Variants in SNX14 observed in about 807,000 individuals in gnomAD.
SNX14 encodes sorting nexin 14, also known as sorting nexin-14.
A neutral mutation model predicts 133.8 loss-of-function variants in SNX14; 93 were observed. That is an observed-to-expected ratio of 0.70 (90% CI 0.59 to 0.83). The LOEUF is 0.83. Ranked by LOEUF, SNX14 falls within the 40% of genes least tolerant of loss-of-function variation. SNX14 has a pLI of 0.00. For synonymous variants in SNX14, 368 were observed against 365.6 expected (o/e 1.01, Z -0.07); for missense variants, 945 against 1,094.9 (o/e 0.86, Z 1.93).
At chr6:85,512,398 G>T (rs1773224441) in intron 26 of SNX14, among the ~76,000 whole-genome samples, 2 of 152,106 alleles carry the variant, frequency 1.3e-5, no homozygotes, top group Non-Finnish European at 2.9e-5. Context: ...GAGGCGGGTG[G>T]ATCACCTGAG....
At chr6:85,587,284 T>A (rs1326395071) in intron 1 of SNX14, among the ~76,000 whole-genome samples, 1 of 152,148 alleles carries the variant, frequency 6.6e-6, no homozygotes, top group Admixed American at 6.5e-5. Context: ...TACACTCTCT[T>A]ATGTATGCTT....
Position 85,507,259 on chromosome 6 carries a change from G to C in SNX14, c.2776C>G (p.Gln926Glu), listed in dbSNP as rs774642875. 1 of 1,610,884 alleles carries C rather than the reference G, an allele frequency of 6.2e-7. No homozygotes were observed. Among genetic ancestry groups the C allele is most frequent in the Non-Finnish European group, 8.5e-7 (1 of 1,178,984 alleles). ...TTATTGAGCTCTGGAAACAGTTCCT[G>C]TATCACAATGTCCAATAAAACATAA... is the stretch of plus-strand genomic sequence containing the variant. ...LTYVLLDIVI[Q>E]ELFPELNKVQ... Residue 926 changes from glutamine to glutamate, a missense_variant, in exon 28 of 29, where the codon CAG becomes GAG. By Grantham distance (29) the Gln-to-Glu change is conservative (BLOSUM62 2). Transcript: ENST00000314673.
chr6:85,524,511 C>T (rs778948740), intron 21 of SNX14, among the ~76,000 whole-genome samples: 8 of 152,032 alleles, frequency 5.3e-5, no homozygotes, highest in Non-Finnish European at 1.0e-4. Context: ...AGGCATGGTG[C>T]TCACTCACGC....
chr6:85,554,890 G>GCT (rs1191730798), intron 7 of SNX14, among the ~76,000 whole-genome samples: 2 of 151,936 alleles, frequency 1.3e-5, no homozygotes, highest in Non-Finnish European at 2.9e-5. Flanking sequence ...GGTGATCATA[G>GCT]CTCACTGCAG....
chr6:85,543,631 G>A lies in SNX14; in HGVS notation c.1238C>T (p.Pro413Leu). The A allele has an allele frequency of 6.3e-7, 1 of 1,582,682 alleles. No homozygotes were observed. Among genetic ancestry groups the A allele is most frequent in the African/African-American group, 1.3e-5 (1 of 74,100 alleles). ...DESIDKIRFD[P>L]FIVEEIQRIA... ...TCTTTGAATCTCTTCTACAATGAAG[G>A]GATCAAATCTAATTTTGTCAATACT... The change falls in exon 13 of 29, where the codon CCC becomes CTC. Residue 413 changes from proline (P) to leucine (L), a missense_variant. This residue lies in a region of SNX14 where 514 missense variants were observed against 538.8 expected (regional missense o/e 0.95). Coordinates refer to ENST00000314673, the MANE Select transcript of SNX14 (RefSeq NM_153816.6).
chr6:85,546,965 CAAAAAAA>C (rs375373506), intron 12 of SNX14, 140 bp downstream of exon 12: 33 of 392,768 alleles, frequency 8.4e-5, no homozygotes, highest in Admixed American at 2.8e-4. Flanking sequence ...CCGCCTCAAA[CAAAAAAA>C]AAAAAAAAAA....
intron 21 of SNX14, among the ~76,000 whole-genome samples, chr6:85,521,323 T>G (rs1202166820): frequency 2.0e-5 from 3 of 152,134 alleles, no homozygotes; most frequent in Non-Finnish European, 1.5e-5. Flanking sequence ...AACCTCGAAC[T>G]TTCTGGGCTC....
At chr6:85,560,397 G>T (rs1035065796) in intron 6 of SNX14, among the ~76,000 whole-genome samples, 3 of 152,134 alleles carry the variant, frequency 2.0e-5, no homozygotes, top group Admixed American at 2.0e-4. Context: ...GCCACATATT[G>T]TATGATTCCA....
intron 15 of SNX14, among the ~76,000 whole-genome samples, chr6:85,539,461 T>G (rs1307651977): frequency 6.6e-6 from 1 of 152,170 alleles, no homozygotes; most frequent in Non-Finnish European, 1.5e-5. Flanking sequence ...AAACAAAAGT[T>G]GTACTTTAAG....
intron 20 of SNX14, among the ~76,000 whole-genome samples, chr6:85,527,501 T>C (rs1407032452): frequency 6.6e-6 from 1 of 152,056 alleles, no homozygotes; most frequent in Non-Finnish European, 1.5e-5. Context: ...TAAAAGTCTT[T>C]CTTTTTGGCT....
chr6:85,579,540 A>G (rs944449235), intron 1 of SNX14, among the ~76,000 whole-genome samples: 2 of 152,206 alleles, frequency 1.3e-5, no homozygotes, highest in East Asian at 1.9e-4. Context: ...GAAATTGCCA[A>G]TACCCTTTCT....
chr6:85,566,466 G>A (rs1375405762), intron 5 of SNX14, among the ~76,000 whole-genome samples: 1 of 151,956 alleles, frequency 6.6e-6, no homozygotes, highest in African/African-American at 2.4e-5. Flanking sequence ...GGGAGGCCGA[G>A]GTGGGTGGAT....
chr6:85,517,776 T>C lies in SNX14; in HGVS notation c.2248A>G (p.Thr750Ala). The change falls in exon 23 of 29, where the codon ACT (threonine) becomes GCT (alanine). Residue 750 changes from threonine to alanine, a missense_variant. Transcript: ENST00000314673. The stretch of plus-strand genomic sequence containing the variant: ...AGTACCTTCTTGTTGTTTTCTGAAG[T>C]AGGGCTGAGAATGGTCAGTTCTGGT... ...SRPELTILSPTSENNKKLFND... is the reference protein window; with the variant it reads ...SRPELTILSPASENNKKLFND... The C allele has an allele frequency of 1.2e-6, 2 of 1,601,022 alleles. No individual in the cohort carries two copies. The highest frequency in any genetic ancestry group is 4.5e-5 in the East Asian group (2 of 44,662).
In SNX14 at chr6:85,531,024, A is replaced by C. The variant is rs971700714; in HGVS notation, c.1811-749T>G. On this transcript the variant is annotated intron_variant, in intron 18 of 28. Transcript: ENST00000314673. ...CTGCAGTTACGAAGATGCTCCATGG[A>C]TCTGCATTAATATAGTAGCTACTAG... 2.0e-5 allele frequency among the ~76,000 whole-genome samples: 3 copies of C among 152,214 alleles called. No individual in the cohort carries two copies. The East Asian group carries it at 5.8e-4, about 29-fold the overall frequency.
intron 1 of SNX14, among the ~76,000 whole-genome samples, chr6:85,580,742 T>C (rs1798794014): frequency 6.6e-6 from 1 of 152,124 alleles, no homozygotes; most frequent in Non-Finnish European, 1.5e-5. Context: ...CTTATGGTGG[T>C]AGTTGACACG....
At chr6:85,545,568 G>T (rs1177693785) in intron 12 of SNX14, among the ~76,000 whole-genome samples, 1 of 152,048 alleles carries the variant, frequency 6.6e-6, no homozygotes, top group Admixed American at 6.6e-5. Context: ...AATGATAAAA[G>T]AATAAATTCA....
intron 7 of SNX14, 93 bp from the exon 8 acceptor site, chr6:85,549,972 C>A (rs966207205): frequency 1.2e-5 from 13 of 1,109,688 alleles, no homozygotes; most frequent in Non-Finnish European, 1.6e-5. Flanking sequence ...ATGGGCTGGG[C>A]GTGGTGGCTC....
chr6:85,586,874 A>G (rs1380207779), intron 1 of SNX14, among the ~76,000 whole-genome samples: 2 of 151,964 alleles, frequency 1.3e-5, no homozygotes, highest in East Asian at 3.9e-4. Flanking sequence ...CCATGTTGGG[A>G]GTCTCCACTA....
Position 85,574,323 on chromosome 6 carries a change from A to G in SNX14, c.196T>C (p.Tyr66His). 14 of 1,589,238 alleles carry G rather than the reference A, an allele frequency of 8.8e-6. No homozygotes were observed. The highest frequency in any genetic ancestry group is 1.2e-5 in the Non-Finnish European group (14 of 1,159,598). Residue 66 changes from tyrosine (Y) to histidine (H), a missense_variant, in exon 2 of 29, where the codon TAC (tyrosine) becomes CAC (histidine). This residue lies in a region of SNX14 where 514 missense variants were observed against 538.8 expected (regional missense o/e 0.95). Coordinates refer to ENST00000314673, the MANE Select transcript of SNX14 (RefSeq NM_153816.6). ...WSFVAGVVTF[Y>H]CSLGPDSLLP... Reference sequence around the variant, plus strand: ...AGAGAATCAGGTCCTAGTGAGCAGTAGAATGTGACAACTCCAGCAACAAAT... The same window carrying G: ...AGAGAATCAGGTCCTAGTGAGCAGTGGAATGTGACAACTCCAGCAACAAAT...
Sources: gnomAD v4.1 joint callset for allele counts (sites outside exome capture counted in the v4.1 genomes callset) on GRCh38, gnomAD v4.1.1 for gene constraint, gnomAD v4.1.1 regional missense constraint, MANE v1.5 for transcripts, NCBI Gene and HGNC (gene_info 2026-07-23, HGNC 2026-07-21) for gene names.